The following NR2F6 variants were observed in gnomAD, a reference collection of about 807,000 sequenced individuals.
NR2F6 encodes nuclear receptor subfamily 2 group F member 6.
NR2F6 carries 16 observed loss-of-function variants against 26.5 expected under a neutral mutation model. The observed-to-expected ratio is 0.60, with a 90% confidence interval of 0.41 to 0.92. The LOEUF is 0.92. NR2F6 is among the 40% of genes least tolerant of loss of function. The pLI is 0.00. For missense variants in NR2F6, 536 were observed against 631.7 expected (o/e 0.85, Z 1.62); for synonymous variants, 325 against 305.0 (o/e 1.07, Z -0.68).
intron 1 of NR2F6, among the ~76,000 whole-genome samples, chr19:17,242,012 T>C (rs1250619994): frequency 1.6e-5 from 2 of 124,186 alleles, no homozygotes; most frequent in African/African-American, 6.3e-5. Context: ...TGAGACTCTG[T>C]CTCAAAAAAA....
At chr19:17,244,743 G>C (rs551698602) in intron 1 of NR2F6, among the ~76,000 whole-genome samples, 200 bp downstream of exon 1, 2 of 152,304 alleles carry the variant, frequency 1.3e-5, no homozygotes, top group East Asian at 3.9e-4. Context: ...GATGGGGGGG[G>C]AACCTGCAAC....
In NR2F6 at chr19:17,243,136, T is replaced by C. The variant is rs542762386; in HGVS notation, c.278+1807A>G. On this transcript the variant is annotated intron_variant, in intron 1 of 3. Transcript: ENST00000291442. The stretch of plus-strand genomic sequence containing the variant: ...TCTGGCATGTCCCTGTGGCCTTTCT[T>C]CCACCTGCCAACTCCATGCTTCAAG... 1.1e-3 allele frequency among the ~76,000 whole-genome samples: 162 copies of C among 152,278 alleles called. 1 individual carries two copies. Among genetic ancestry groups the C allele is most frequent in the African/African-American group, 3.9e-3 (161 of 41,546 alleles).
intron 1 of NR2F6, 33 bp from the exon 2 acceptor site, chr19:17,240,798 A>AC: frequency 6.2e-7 from 1 of 1,605,216 alleles, no homozygotes; most frequent in Non-Finnish European, 8.5e-7. Flanking sequence ...GCTCCCTGAG[A>AC]CCCCCATATC....
Position 17,244,986 on chromosome 19 carries a change from A to G in NR2F6, c.235T>C (p.Phe79Leu). The part of the protein sequence containing the change: ...GVFTCEGCKS[F>L]FKRSIRRNLS... ...TTGCGGCGGATGCTTCGCTTGAAAA[A>G]GCTCTTGCAGCCCTCGCAGGTGAAG... The change falls in exon 1 of 4, where the codon TTT becomes CTT. Residue 79 changes from phenylalanine to leucine, a missense_variant. By Grantham distance (22) the Phe-to-Leu change is conservative. Coordinates refer to ENST00000291442, the MANE Select transcript of NR2F6 (RefSeq NM_005234.4). 1 of 1,580,074 alleles carries G rather than the reference A, an allele frequency of 6.3e-7. No individual in the cohort carries two copies. The highest frequency in any genetic ancestry group is 1.3e-5 in the African/African-American group (1 of 74,408).
At chr19:17,236,203 T>C in intron 2 of NR2F6, 138 bp from the exon 3 acceptor site, 1 of 333,932 alleles carries the variant, frequency 3.0e-6, no homozygotes, top group Non-Finnish European at 4.3e-6. Flanking sequence ...GGAGAGGAGA[T>C]TGGAGAGACA....
At chr19:17,240,129 C>T (rs892618433) in intron 2 of NR2F6, among the ~76,000 whole-genome samples, 2 of 152,248 alleles carry the variant, frequency 1.3e-5, no homozygotes, top group Admixed American at 6.5e-5. Context: ...CTCTTGCTCC[C>T]AGCGCCCGGG....
rs1263329422 is a variant in NR2F6, at chr19:17,235,100, G to T, written c.940+399C>A. ...GGGCCTGAGGGGGCCAGAACCAGGG[G>T]GTCAGGACCTTCCCTCCCACGTCCC... On this transcript the variant is annotated intron_variant, in intron 3 of 3. Transcript: ENST00000291442. This position sits in a 1 kb window ranked among gnomAD's most constrained non-coding sequence, Gnocchi z 5.0. Among the ~76,000 whole-genome samples, 1 of 152,198 alleles carries T rather than the reference G, an allele frequency of 6.6e-6. No homozygotes were observed. Among genetic ancestry groups the T allele is most frequent in the African/African-American group, 2.4e-5 (1 of 41,446 alleles).
Position 17,236,044 on chromosome 19 carries a change from G to C in NR2F6, c.395C>G (p.Pro132Arg). ...RKEAVQRGRI[P>R]HSLPGAVAAS... is the part of the protein sequence containing the mutation. ...GGCCACGGCACCAGGCAGCGAGTGCGGGATGCGGCCGCGCTGCACCGCTGC... is the reference window on the plus strand; with the variant it reads ...GGCCACGGCACCAGGCAGCGAGTGCCGGATGCGGCCGCGCTGCACCGCTGC... Residue 132 changes from proline (P) to arginine (R), a missense_variant, in exon 3 of 4, where the codon CCG (proline) becomes CGG (arginine). By Grantham distance (103) the Pro-to-Arg change is moderately radical. Coordinates refer to ENST00000291442, the MANE Select transcript of NR2F6 (RefSeq NM_005234.4). 2.2e-6 allele frequency: 3 copies of C among 1,350,996 alleles called. No individual in the cohort carries two copies. Among genetic ancestry groups the C allele is most frequent in the Non-Finnish European group, 2.8e-6 (3 of 1,060,348 alleles). 83.7% of individuals were successfully genotyped at this position (1,350,996 alleles called of 1,614,324 possible).
chr19:17,241,376 A>G (rs1453600173), intron 1 of NR2F6, among the ~76,000 whole-genome samples: 1 of 152,076 alleles, frequency 6.6e-6, no homozygotes. Context: ...CCCCACACCT[A>G]CGCTCTTCCG....
Position 17,235,614 on chromosome 19 carries a change from G to T in NR2F6, c.825C>A (p.Ala275=). 1 of 1,556,522 alleles carries T rather than the reference G, an allele frequency of 6.4e-7. No homozygotes were observed. The highest frequency in any genetic ancestry group is 1.2e-5 in the South Asian group (1 of 86,582). Reference sequence around the variant, plus strand: ...CGCGCACCTGGTCCATGAAAGCCACGGCGCGCTCGGCGGCCATAGGCGCGG... The same window carrying T: ...CGCGCACCTGGTCCATGAAAGCCACTGCGCGCTCGGCGGCCATAGGCGCGG... ...LHAAPMAAER[A]VAFMDQVRAF... Residue 275 remains alanine (A), a synonymous_variant, in exon 3 of 4, where the codon GCC becomes GCA. Coordinates refer to ENST00000291442, the MANE Select transcript of NR2F6 (RefSeq NM_005234.4). This position sits in a 1 kb window ranked among gnomAD's most constrained non-coding sequence, Gnocchi z 5.0.
chr19:17,232,767 C>T (rs538787168), intron 3 of NR2F6, 141 bp from the exon 4 acceptor site: 3 of 1,000,238 alleles, frequency 3.0e-6, no homozygotes, highest in East Asian at 5.4e-5. Context: ...AGTCCCAGCA[C>T]TTTGGGAGGC....
chr19:17,233,919 G>A (rs1197327750), intron 3 of NR2F6, among the ~76,000 whole-genome samples: 1 of 152,178 alleles, frequency 6.6e-6, no homozygotes, highest in South Asian at 2.1e-4. Flanking sequence ...ACCCAAGATA[G>A]GAAGCCAAGA....
rs1296565994 is a variant in NR2F6 at position 17,235,715 on chromosome 19, G to A, written c.724C>T (p.Leu242Phe). The change falls in exon 3 of 4, where the codon CTC becomes TTC. Residue 242 changes from leucine to phenylalanine, a missense_variant. Transcript: ENST00000291442. This position sits in a 1 kb window ranked among gnomAD's most constrained non-coding sequence, Gnocchi z 5.0. ...VALLRLSWSE[L>F]FVLNAAQAAL... ...GCCTGCGCCGCGTTCAGCACGAAGA[G>A]CTCGCTCCAGCTCAGGCGCAGCAGC... 6.7e-7 allele frequency: 1 copy of A among 1,500,044 alleles called. No individual in the cohort carries two copies. 92.9% of individuals were successfully genotyped at this position (1,500,044 alleles called of 1,614,324 possible).
intron 2 of NR2F6, among the ~76,000 whole-genome samples, chr19:17,237,692 G>A (rs1255391139): frequency 2.6e-5 from 4 of 152,004 alleles, no homozygotes; most frequent in African/African-American, 9.7e-5. Flanking sequence ...TTACAGGCGT[G>A]AGCCCCCACG....
At position 17,235,578 on chromosome 19, in the gene NR2F6, C is replaced by G; in HGVS notation, c.861G>C (p.Glu287Asp). Residue 287 changes from glutamate (E) to aspartate (D), a missense_variant, in exon 3 of 4, where the codon GAG becomes GAC. Transcript: ENST00000291442. The surrounding 1 kb of genome is among the most constrained non-coding windows in gnomAD (Gnocchi z 5.0). ...AFMDQVRAFQ[E>D]QVDKLGRLQV... ...GCAGGCGGCCCAGCTTGTCCACCTG[C>G]TCCTGGAAGGCGCGCACCTGGTCCA... is the stretch of plus-strand genomic sequence containing the variant. The G allele has an allele frequency of 6.3e-7, 1 of 1,590,690 alleles. No homozygotes were observed. Among genetic ancestry groups the G allele is most frequent in the Non-Finnish European group, 8.5e-7 (1 of 1,175,800 alleles).
intron 2 of NR2F6, among the ~76,000 whole-genome samples, chr19:17,239,198 G>A (rs539838776): frequency 6.6e-6 from 1 of 151,336 alleles, no homozygotes; most frequent in Admixed American, 6.6e-5. Context: ...TTAGCTGGGC[G>A]TGGTGGCATG....
At chr19:17,239,948 G>A (rs1419184254) in intron 2 of NR2F6, among the ~76,000 whole-genome samples, 1 of 152,182 alleles carries the variant, frequency 6.6e-6, no homozygotes, top group African/African-American at 2.4e-5. Context: ...CTGAAACCCA[G>A]CACAGGAGAT....
rs1215323681 is a variant in NR2F6, at chr19:17,244,884, G to A, written c.278+59C>T. 4.6e-6 allele frequency: 7 copies of A among 1,537,940 alleles called. No homozygotes were observed. In the East Asian group the frequency reaches 1.2e-4, roughly 27 times the overall value. ...AGGCCCAAGGTGACCGAGCAGGTCA[G>A]AGGCCTGCCCCAGGTCGGGGCGGGG... On this transcript the variant is annotated intron_variant, in intron 1 of 3. Coordinates refer to ENST00000291442, the MANE Select transcript of NR2F6 (RefSeq NM_005234.4).
intron 3 of NR2F6, among the ~76,000 whole-genome samples, chr19:17,234,742 C>G (rs1241202051): frequency 6.6e-6 from 1 of 152,114 alleles, no homozygotes; most frequent in East Asian, 1.9e-4. Context: ...GTGGTCCCAG[C>G]TACTCAAGAG....
Sources: allele counts gnomAD v4.1 joint callset (sites outside exome capture counted in the v4.1 genomes callset), GRCh38; gene constraint gnomAD v4.1.1; non-coding constraint Gnocchi (gnomAD v3.1); transcripts MANE v1.5; gene names NCBI Gene and HGNC (gene_info 2026-07-23, HGNC 2026-07-21).